CAP2: variants seen among roughly 807,000 people sequenced by gnomAD.
CAP2 encodes adenylyl cyclase-associated protein 2.
CAP2 carries 24 observed loss-of-function variants against 57.7 expected under a neutral mutation model. The observed-to-expected ratio is 0.42, with a 90% confidence interval of 0.30 to 0.58. The LOEUF is 0.58. Ranked by LOEUF, CAP2 falls within the 20% of genes least tolerant of loss-of-function variation. The probability of loss-of-function intolerance (pLI) is 0.22; values close to 1 mark genes in which losing one functional copy is unlikely to be tolerated. For missense variants in CAP2, 501 were observed against 590.3 expected, an observed-to-expected ratio of 0.85 and a Z score of 1.57; for synonymous variants, 194 against 207.2, an observed-to-expected ratio of 0.94 and a Z score of 0.55.
At chr6:17,523,316 C>A (rs1046359524) in intron 7 of CAP2, among the ~76,000 whole-genome samples, 1 of 152,034 alleles carries the variant, frequency 6.6e-6, no homozygotes, top group African/African-American at 2.4e-5. Context: ...ATAGGGAAAT[C>A]GCAAGGAGGA....
chr6:17,507,603 T>G (rs747516198), intron 5 of CAP2, 38 bp from the exon 6 acceptor site: 27 of 1,219,432 alleles, frequency 2.2e-5, no homozygotes, highest in Non-Finnish European at 2.8e-5. Flanking sequence ...CCTATTTTTT[T>G]TTCCTTCTAT....
intron 4 of CAP2, among the ~76,000 whole-genome samples, chr6:17,479,756 C>T (rs1761240975): frequency 6.6e-6 from 1 of 151,538 alleles, no homozygotes; most frequent in Non-Finnish European, 1.5e-5. Context: ...GGACTACAGT[C>T]ACCCGCCACC....
At chr6:17,445,661 A>T (rs950128756) in intron 3 of CAP2, among the ~76,000 whole-genome samples, 5 of 152,214 alleles carry the variant, frequency 3.3e-5, no homozygotes, top group African/African-American at 1.2e-4. Flanking sequence ...CATTGTAAAC[A>T]TCTGGATGGA....
chr6:17,499,606 T>C (rs1199661115), intron 4 of CAP2, among the ~76,000 whole-genome samples: 1 of 152,036 alleles, frequency 6.6e-6, no homozygotes, highest in Non-Finnish European at 1.5e-5. Context: ...TCCCAGACTT[T>C]GAGAGGCTGG....
At chr6:17,439,255 G>T (rs1252899881) in intron 3 of CAP2, among the ~76,000 whole-genome samples, 2 of 146,620 alleles carry the variant, frequency 1.4e-5, no homozygotes, top group African/African-American at 5.1e-5. Context: ...GGATCCAACT[G>T]TTTTTTTTTT....
At chr6:17,442,159 T>C (rs371897520) in intron 3 of CAP2, among the ~76,000 whole-genome samples, 11 of 152,066 alleles carry the variant, frequency 7.2e-5, no homozygotes, top group Admixed American at 2.6e-4. Flanking sequence ...CTCACTGGAG[T>C]TGCTGAATCT....
At chr6:17,475,695 T>C (rs1761137101) in intron 4 of CAP2, among the ~76,000 whole-genome samples, 1 of 152,212 alleles carries the variant, frequency 6.6e-6, no homozygotes, top group Non-Finnish European at 1.5e-5. Flanking sequence ...TGGCCTGATA[T>C]TTAAATGCTG....
At chr6:17,544,457 T>C (rs1395151833) in intron 11 of CAP2, among the ~76,000 whole-genome samples, 9 of 151,994 alleles carry the variant, frequency 5.9e-5, no homozygotes, top group Non-Finnish European at 5.9e-5. Context: ...AATTAAAATA[T>C]ATAATAATTT....
intron 1 of CAP2, among the ~76,000 whole-genome samples, chr6:17,401,159 GA>G (rs1022563518): frequency 1.3e-5 from 2 of 152,192 alleles, no homozygotes; most frequent in Non-Finnish European, 2.9e-5. Context: ...ATGGTATTAG[GA>G]GTGGAAGGCC....
chr6:17,432,878 T>C (rs1335889454), intron 3 of CAP2, among the ~76,000 whole-genome samples: 1 of 151,876 alleles, frequency 6.6e-6, no homozygotes, highest in Non-Finnish European at 1.5e-5. Context: ...TCTTCCTCCC[T>C]TCCTTCCGTC....
At chr6:17,549,783 C>T (rs1371459609) in intron 11 of CAP2, among the ~76,000 whole-genome samples, 1 of 152,102 alleles carries the variant, frequency 6.6e-6, no homozygotes, top group Non-Finnish European at 1.5e-5. Context: ...GGAAGTGAAA[C>T]AATGAGAACC....
At chr6:17,443,046 C>G (rs1427001299) in intron 3 of CAP2, among the ~76,000 whole-genome samples, 1 of 152,086 alleles carries the variant, frequency 6.6e-6, no homozygotes, top group African/African-American at 2.4e-5. Context: ...AAATAAAACT[C>G]TTGAGAGTAA....
At chr6:17,458,886 C>CAAA (rs397779120) in intron 3 of CAP2, among the ~76,000 whole-genome samples, 9,988 of 110,088 alleles carry the variant, frequency 0.091, 1,245 homozygotes, top group African/African-American at 0.29. Context: ...CACAAAGGAG[C>CAAA]AAAAAAAAAA....
intron 7 of CAP2, among the ~76,000 whole-genome samples, chr6:17,527,830 T>C (rs1762546518): frequency 6.6e-6 from 1 of 152,226 alleles, no homozygotes; most frequent in Non-Finnish European, 1.5e-5. Context: ...CTCGAACTCC[T>C]GACCTCAAGC....
intron 4 of CAP2, among the ~76,000 whole-genome samples, chr6:17,485,822 T>A (rs1363160016): frequency 6.6e-6 from 1 of 152,036 alleles, no homozygotes; most frequent in Non-Finnish European, 1.5e-5. Context: ...TCAAACTACC[T>A]CTCCATGGCA....
At chr6:17,452,701 A>G (rs1760444601) in intron 3 of CAP2, among the ~76,000 whole-genome samples, 1 of 152,212 alleles carries the variant, frequency 6.6e-6, no homozygotes, top group Non-Finnish European at 1.5e-5. Flanking sequence ...GCTATTTTTC[A>G]TAAGCAGAAG....
chr6:17,549,189 C>T (rs1361485014), intron 11 of CAP2, among the ~76,000 whole-genome samples: 5 of 152,114 alleles, frequency 3.3e-5, no homozygotes, highest in South Asian at 4.1e-4. Flanking sequence ...GGCTGCTGGG[C>T]GCGGTGGCTC....
At chr6:17,519,904 G>T (rs1269432289) in intron 7 of CAP2, among the ~76,000 whole-genome samples, 4 of 152,168 alleles carry the variant, frequency 2.6e-5, no homozygotes, top group Non-Finnish European at 5.9e-5. Context: ...ATGATTAGGA[G>T]AAATGTGATT....
At chr6:17,489,835 G>T (rs984847779) in intron 4 of CAP2, among the ~76,000 whole-genome samples, 1 of 151,888 alleles carries the variant, frequency 6.6e-6, no homozygotes, top group Non-Finnish European at 1.5e-5. Flanking sequence ...AATCTAGTAG[G>T]TCCATCATGA....
Sources: gnomAD v4.1 joint callset for allele counts (sites outside exome capture counted in the v4.1 genomes callset) on GRCh38, gnomAD v4.1.1 for gene constraint, MANE v1.5 for transcripts, NCBI Gene and HGNC (gene_info 2026-07-23, HGNC 2026-07-21) for gene names.